FIG4: variants seen among roughly 807,000 people sequenced by gnomAD.
FIG4 encodes the protein FIG4 phosphoinositide 5-phosphatase.
FIG4 carries 112 observed loss-of-function variants against 118.6 expected under a neutral mutation model. The observed-to-expected ratio is 0.94, with a 90% confidence interval of 0.81 to 1.11. The LOEUF is 1.11. Ranked by LOEUF, FIG4 falls within the 50% of genes least tolerant of loss-of-function variation. The pLI is 0.00. For synonymous variants in FIG4, 369 were observed against 381.2 expected (o/e 0.97, Z 0.37); for missense variants, 969 against 1,111.7 (o/e 0.87, Z 1.83).
chr6:109,765,526 G>A (rs1178572465), intron 14 of FIG4, among the ~76,000 whole-genome samples: 1 of 152,026 alleles, frequency 6.6e-6, no homozygotes, highest in Non-Finnish European at 1.5e-5. Flanking sequence ...AAAAATTTGT[G>A]TATTCTTGCC....
chr6:109,723,128 A>T (rs1367507423), intron 3 of FIG4, among the ~76,000 whole-genome samples: 1 of 152,242 alleles, frequency 6.6e-6, no homozygotes, highest in Non-Finnish European at 1.5e-5. Context: ...CCCTTAGGGC[A>T]GTTTCCAGAA....
chr6:109,799,912 C>T (rs1283323560), intron 22 of FIG4, among the ~76,000 whole-genome samples: 2 of 152,172 alleles, frequency 1.3e-5, no homozygotes, highest in African/African-American at 4.8e-5. Context: ...TGAGTCATAA[C>T]CACTCCCTGA....
At chr6:109,761,903 G>A (rs1204340229) in intron 11 of FIG4, among the ~76,000 whole-genome samples, 188 bp from the exon 12 acceptor site, 1 of 152,164 alleles carries the variant, frequency 6.6e-6, no homozygotes. Flanking sequence ...CACATCAAAT[G>A]TTGCTGGTTA....
intron 22 of FIG4, among the ~76,000 whole-genome samples, chr6:109,797,258 G>A (rs533308990): frequency 2.0e-5 from 3 of 152,312 alleles, no homozygotes; most frequent in East Asian, 3.9e-4. Flanking sequence ...AGTTAAACAG[G>A]TGTTTTGTGA....
intron 8 of FIG4, among the ~76,000 whole-genome samples, chr6:109,741,891 A>G (rs956363321): frequency 6.6e-6 from 1 of 152,146 alleles, no homozygotes; most frequent in African/African-American, 2.4e-5. Context: ...AATAATGACA[A>G]TAAAAAAGGT....
intron 15 of FIG4, among the ~76,000 whole-genome samples, chr6:109,767,520 A>C (rs1047082195): frequency 6.6e-6 from 1 of 152,210 alleles, no homozygotes; most frequent in Non-Finnish European, 1.5e-5. Flanking sequence ...ATGAGTCTTC[A>C]GCTCTTGTAC....
Position 109,743,746 on chromosome 6 carries a change from C to G in FIG4, c.1111C>G (p.Pro371Ala). 1 of 1,612,490 alleles carries G rather than the reference C, an allele frequency of 6.2e-7. No homozygotes were observed. The highest frequency in any genetic ancestry group is 8.5e-7 in the Non-Finnish European group (1 of 1,178,868). ...FDQMFQRFGS[P>A]IIILNLVKER... ...CCAGATGTTCCAGAGGTTTGGCTCTCCCATCATCATCTTGAATTTAGTGAA... is the reference window on the plus strand; with the variant it reads ...CCAGATGTTCCAGAGGTTTGGCTCTGCCATCATCATCTTGAATTTAGTGAA... The change falls in exon 10 of 23, where the codon CCC becomes GCC. Residue 371 changes from proline (P) to alanine (A), a missense_variant. This residue lies in a region of FIG4 where 246 missense variants were observed against 354.3 expected (regional missense o/e 0.69). Coordinates refer to ENST00000230124, the MANE Select transcript of FIG4 (RefSeq NM_014845.6).
At chr6:109,767,909 G>A (rs1777332932) in intron 15 of FIG4, among the ~76,000 whole-genome samples, 1 of 152,136 alleles carries the variant, frequency 6.6e-6, no homozygotes, top group African/African-American at 2.4e-5. Flanking sequence ...GTGAACTATT[G>A]CCTGCAATAA....
intron 16 of FIG4, among the ~76,000 whole-genome samples, chr6:109,784,107 T>C (rs1777884315): frequency 1.3e-5 from 2 of 152,144 alleles, no homozygotes; most frequent in Admixed American, 1.3e-4. Context: ...TTAAAATCTC[T>C]TTTTAGCAAT....
chr6:109,816,407 G>A lies in FIG4; in HGVS notation c.2547-8681G>A, dbSNP rs77118216. Among the ~76,000 whole-genome samples, 374 of 152,304 alleles carry A rather than the reference G, an allele frequency of 2.5e-3. 1 individual carries two copies. Among genetic ancestry groups the A allele is most frequent in the African/African-American group, 8.1e-3 (337 of 41,566 alleles). ...AAAGCCTGAGACTCACTGCCCAGAGGAGCCTAAGGAGACGTGATGACTAAA... is the reference window on the plus strand; with the variant it reads ...AAAGCCTGAGACTCACTGCCCAGAGAAGCCTAAGGAGACGTGATGACTAAA... On this transcript the variant is annotated intron_variant, in intron 22 of 22. Transcript: ENST00000230124.
chr6:109,698,715 T>C (rs1245509896), intron 1 of FIG4, among the ~76,000 whole-genome samples: 3 of 152,262 alleles, frequency 2.0e-5, no homozygotes, highest in Admixed American at 2.0e-4. Flanking sequence ...TGAGTGGATG[T>C]TGAATTTTGT....
chr6:109,765,682 TA>T (rs1777258929), intron 14 of FIG4, among the ~76,000 whole-genome samples: 1 of 152,204 alleles, frequency 6.6e-6, no homozygotes, highest in South Asian at 2.1e-4. Context: ...GATGGCATTT[TA>T]AAAAAGAGTA....
At position 109,691,413 on chromosome 6, in the gene FIG4, T is replaced by TG; in HGVS notation, c.-19dup. The TG allele has an allele frequency of 6.4e-7, 1 of 1,564,976 alleles. No homozygotes were observed. The highest frequency in any genetic ancestry group is 1.9e-5 in the Admixed American group (1 of 53,322). On this transcript the variant is annotated 5_prime_UTR_variant, in exon 1 of 23. Transcript: ENST00000230124. The stretch of plus-strand genomic sequence containing the variant: ...CGGTCCGGAGGCTCGTGCCCTGTTG[T>TG]GGGGCCCCCATTTGCCGCCGCCATG...
chr6:109,756,576 A>G (rs190515191), intron 10 of FIG4, among the ~76,000 whole-genome samples: 40 of 152,308 alleles, frequency 2.6e-4, no homozygotes, highest in African/African-American at 6.7e-4. Context: ...AGGTACACCA[A>G]TCAGAGCAGA....
chr6:109,765,015 T>C lies in FIG4; in HGVS notation c.1437T>C (p.Thr479=). The C allele has an allele frequency of 1.2e-6, 2 of 1,613,744 alleles. No homozygotes were observed. ...AATCTTAAGGTATTTCTCTTTAGAC[T>C]GGCATCCTTCGAACCAACTGTGTGG... The part of the protein sequence containing the change: ...GCVIPTGRLQ[T]GILRTNCVDC... Residue 479 remains threonine, a splice_region_variant and synonymous_variant, in exon 14 of 23, where the codon ACT becomes ACC. Coordinates refer to ENST00000230124, the MANE Select transcript of FIG4 (RefSeq NM_014845.6).
Position 109,741,540 on chromosome 6 carries a change from G to A in FIG4, c.872G>A (p.Cys291Tyr), listed in dbSNP as rs766829595. ...CGTTTTCTTAAAAGAGGTGCAAACT[G>A]TGAGGTAAGATGACAAACAGTATCT... is the stretch of plus-strand genomic sequence containing the variant. Reference protein sequence around the residue: ...GTRFLKRGANCEGDVANEVET... With the variant: ...GTRFLKRGANYEGDVANEVET... The change falls in exon 8 of 23, where the codon TGT becomes TAT. Residue 291 changes from cysteine to tyrosine, a missense_variant. Coordinates refer to ENST00000230124, the MANE Select transcript of FIG4 (RefSeq NM_014845.6). 5.0e-6 allele frequency: 8 copies of A among 1,594,614 alleles called. No individual in the cohort carries two copies. In the African/African-American group the frequency reaches 6.7e-5, roughly 13 times the overall value.
chr6:109,714,252 T>C (rs1017735953), intron 1 of FIG4, among the ~76,000 whole-genome samples: 1 of 152,152 alleles, frequency 6.6e-6, no homozygotes, highest in African/African-American at 2.4e-5. Flanking sequence ...GGGCCAGGAA[T>C]GAATGCCAGT....
rs180936180 is a variant in FIG4, at chr6:109,801,599, A to G, written c.2546+4748A>G. On this transcript the variant is annotated intron_variant, in intron 22 of 22. Coordinates refer to ENST00000230124, the MANE Select transcript of FIG4 (RefSeq NM_014845.6). ...TACAGTTTTAGGACCATACGCTTGC[A>G]TTTATCCCCTAAGAATCTCTCGTAA... is the stretch of plus-strand genomic sequence containing the variant. Among the ~76,000 whole-genome samples the G allele has an allele frequency of 9.8e-5, 15 of 152,292 alleles. No individual in the cohort carries two copies. In the East Asian group the frequency reaches 2.3e-3, roughly 24 times the overall value.
At chr6:109,788,710 A>C (rs184409128) in intron 18 of FIG4, among the ~76,000 whole-genome samples, 1 of 152,228 alleles carries the variant, frequency 6.6e-6, no homozygotes, top group Non-Finnish European at 1.5e-5. Context: ...AGCCAGTTAC[A>C]TCTTTGAAAC....
Sources: allele counts gnomAD v4.1 joint callset (sites outside exome capture counted in the v4.1 genomes callset), GRCh38; gene constraint gnomAD v4.1.1; regional missense constraint gnomAD v4.1.1; transcripts MANE v1.5; gene names NCBI Gene and HGNC (gene_info 2026-07-23, HGNC 2026-07-21).